The following RNF212 variants were observed in gnomAD, a reference collection of about 807,000 sequenced individuals.
RNF212 encodes the protein probable E3 SUMO-protein ligase RNF212.
In RNF212, 33 loss-of-function variants were observed where a neutral mutation model predicts 34.7. The ratio of observed to expected loss-of-function variants is 0.95; its 90% CI spans 0.72 to 1.27. RNF212 has a LOEUF of 1.27. Among genes scored for constraint, RNF212 ranks in the 50% most tolerant of loss-of-function variants. The probability of loss-of-function intolerance (pLI) is 0.00; values close to 1 mark genes in which losing one functional copy is unlikely to be tolerated. For missense variants in RNF212, 377 were observed against 362.2 expected, an observed-to-expected ratio of 1.04 and a Z score of -0.33; for synonymous variants, 140 against 136.1, an observed-to-expected ratio of 1.03 and a Z score of -0.20.
downstream of RNF212, among the ~76,000 whole-genome samples, chr4:1,071,177 T>A (rs980496609): frequency 2.0e-5 from 3 of 151,980 alleles, no homozygotes; most frequent in Non-Finnish European, 1.5e-5. Context: ...TCAAAATAAA[T>A]TATTTTTAAA....
chr4:1,081,867 G>C (rs1166642656), intron 5 of RNF212: 3 of 495,620 alleles, frequency 6.1e-6, no homozygotes, highest in African/African-American at 3.9e-5. Flanking sequence ...TCTTACAACT[G>C]CAACTGTCAC....
chr4:1,103,479 A>G (rs1724344048), intron 2 of RNF212, among the ~76,000 whole-genome samples: 1 of 152,246 alleles, frequency 6.6e-6, no homozygotes, highest in South Asian at 2.1e-4. Context: ...ATATGAACAT[A>G]GGTGCAAAAA....
intron 2 of RNF212, chr4:1,099,679 A>G (rs1472092559): frequency 4.4e-6 from 2 of 455,504 alleles, no homozygotes; most frequent in South Asian, 3.1e-5. Flanking sequence ...TGTGCGCCAC[A>G]ATGGTACAGT....
At chr4:1,068,765 G>C (rs960756008), downstream of RNF212, among the ~76,000 whole-genome samples, 10 of 152,148 alleles carry the variant, frequency 6.6e-5, no homozygotes, top group African/African-American at 2.4e-4. Context: ...TTCTGTTTCT[G>C]TTACTCTGTG....
intron 6 of RNF212, 49 bp downstream of exon 6, chr4:1,081,518 A>G (rs1360045716): frequency 2.3e-5 from 37 of 1,605,524 alleles, no homozygotes; most frequent in Non-Finnish European, 2.6e-5. Context: ...AGTGTGACTC[A>G]GCAACATGCA....
At chr4:1,065,611 G>A (rs1268982415) in intron 3 of RNF212, among the ~76,000 whole-genome samples, 2 of 152,106 alleles carry the variant, frequency 1.3e-5, no homozygotes, top group Non-Finnish European at 1.5e-5. Flanking sequence ...GGGACCACAG[G>A]TTTACGCCAC....
chr4:1,081,274 A>C, intron 7 of RNF212, 145 bp downstream of exon 7: 1 of 726,974 alleles, frequency 1.4e-6, no homozygotes, highest in African/African-American at 1.7e-5. Flanking sequence ...AGATGAAATA[A>C]GTACCAAAAT....
At chr4:1,056,862 TGGG>T in intron 4 of RNF212, 1 of 987,932 alleles carries the variant, frequency 1.0e-6, no homozygotes, top group Non-Finnish European at 1.2e-6. Context: ...TGCAGCAGGC[TGGG>T]GATGCTGATG....
intron 2 of RNF212, among the ~76,000 whole-genome samples, chr4:1,102,397 G>T (rs1724122556): frequency 6.6e-6 from 1 of 152,108 alleles, no homozygotes; most frequent in African/African-American, 2.4e-5. Context: ...AGCAGGTTTT[G>T]TATCTCATGA....
chr4:1,074,378 C>G (rs1718939537), intron 8 of RNF212, among the ~76,000 whole-genome samples: 1 of 152,206 alleles, frequency 6.6e-6, no homozygotes, highest in Non-Finnish European at 1.5e-5. Context: ...CCCGCTGGTC[C>G]TCAGGCTCTG....
At chr4:1,060,008 C>A (rs1717636506) in intron 3 of RNF212, among the ~76,000 whole-genome samples, 1 of 148,242 alleles carries the variant, frequency 6.7e-6, no homozygotes, top group Non-Finnish European at 1.5e-5. Context: ...GCAGGAGAAT[C>A]ACTTGAACCT....
intron 3 of RNF212, among the ~76,000 whole-genome samples, chr4:1,091,308 C>G (rs1479106412): frequency 6.6e-6 from 1 of 152,222 alleles, no homozygotes; most frequent in East Asian, 1.9e-4. Context: ...AGCACCCTCC[C>G]ATTTACAGGA....
chr4:1,062,412 CAAT>C (rs998035818), intron 3 of RNF212, among the ~76,000 whole-genome samples: 1 of 152,112 alleles, frequency 6.6e-6, no homozygotes, highest in Non-Finnish European at 1.5e-5. Flanking sequence ...GAACAAAACC[CAAT>C]AATCATCTCA....
intron 3 of RNF212, among the ~76,000 whole-genome samples, chr4:1,062,781 C>T (rs7673898): frequency 6.6e-6 from 1 of 152,208 alleles, no homozygotes; most frequent in Non-Finnish European, 1.5e-5. Context: ...CTCCACTTGC[C>T]GATGACATGA....
chr4:1,076,756 G>C (rs1388528143), intron 8 of RNF212, among the ~76,000 whole-genome samples: 2 of 152,206 alleles, frequency 1.3e-5, no homozygotes. Flanking sequence ...TTTGCATTCT[G>C]GTGTGGCACA....
At chr4:1,093,151 C>T (rs1286712788) in intron 3 of RNF212, among the ~76,000 whole-genome samples, 6 of 152,166 alleles carry the variant, frequency 3.9e-5, no homozygotes, top group Admixed American at 2.0e-4. Context: ...GGTTTGTTGA[C>T]GCTGTCCCAG....
downstream of RNF212, among the ~76,000 whole-genome samples, chr4:1,067,218 C>T (rs1432156068): frequency 6.6e-6 from 1 of 152,050 alleles, no homozygotes; most frequent in Non-Finnish European, 1.5e-5. Flanking sequence ...TGGGGGGACT[C>T]AAATCAGTCT....
downstream of RNF212, among the ~76,000 whole-genome samples, chr4:1,069,521 G>A (rs567156438): frequency 5.3e-5 from 8 of 152,046 alleles, no homozygotes; most frequent in Non-Finnish European, 8.8e-5. Flanking sequence ...GGCGACCAAG[G>A]TGAACATCCT....
chr4:1,072,461 GGT>G lies in RNF212; in HGVS notation c.*411_*412del, dbSNP rs1718608449. 1.1e-5 allele frequency: 2 copies of G among 182,618 alleles called. No homozygotes were observed. Among genetic ancestry groups the G allele is most frequent in the African/African-American group, 4.8e-5 (2 of 41,668 alleles). The allele number at this position is 182,618 out of a possible 1,614,324, so 11.3% of individuals were successfully genotyped here. ...TCAGTTTTAACACATGGACTGCTCT[GGT>G]GGAGGATGAGGATGATGGGGGAGCT... On this transcript the variant is annotated 3_prime_UTR_variant, in exon 10 of 10. Coordinates refer to ENST00000433731, the MANE Select transcript of RNF212 (RefSeq NM_001131034.4).
Sources: gnomAD v4.1 joint callset for allele counts (sites outside exome capture counted in the v4.1 genomes callset) on GRCh38, gnomAD v4.1.1 for gene constraint, MANE v1.5 for transcripts, NCBI Gene and HGNC (gene_info 2026-07-23, HGNC 2026-07-21) for gene names.